Variants in STS observed in about 807,000 individuals in gnomAD.
STS encodes the protein steroid sulfatase.
Under a neutral mutation model 26.8 loss-of-function variants are expected in STS, and 7 were observed. The ratio of observed to expected loss-of-function variants is 0.26; its 90% CI spans 0.15 to 0.49. The LOEUF (loss-of-function observed/expected upper bound fraction) is 0.49. Ranked by LOEUF, STS falls within the 20% of genes least tolerant of loss-of-function variation. STS has a pLI of 0.98. For missense variants in STS, 434 were observed against 465.6 expected (o/e 0.93, Z 0.63); for synonymous variants, 199 against 189.4 (o/e 1.05, Z -0.42).
chrX:7,285,984 C>T (rs1456383725), intron 7 of STS, among the ~76,000 whole-genome samples: 1 of 111,694 alleles, frequency 9.0e-6, no homozygotes, highest in Non-Finnish European at 1.9e-5. Context: ...CAGCCAACAC[C>T]TCTCATTTAT....
chrX:7,275,808 A>G (rs1924499339), intron 6 of STS, 143 bp from the exon 7 acceptor site: 1 of 697,688 alleles, frequency 1.4e-6, no homozygotes, highest in African/African-American at 2.2e-5. Flanking sequence ...AAGATACCAT[A>G]TTAGGCAATT....
chrX:7,154,254 C>A (rs1165798516), intron 1 of STS, among the ~76,000 whole-genome samples: 2 of 112,257 alleles, frequency 1.8e-5, no homozygotes, highest in African/African-American at 6.5e-5. Context: ...CTTGCGTCGT[C>A]TCTGCTTCTG....
intron 3 of STS, among the ~76,000 whole-genome samples, chrX:7,256,912 T>C (rs764491348): frequency 8.9e-6 from 1 of 112,185 alleles, no homozygotes; most frequent in Non-Finnish European, 1.9e-5. Flanking sequence ...CCTTTGCTCA[T>C]TGAGAAGTTT....
chrX:7,350,080 A>C lies in STS; in HGVS notation c.1556A>C (p.Tyr519Ser), dbSNP rs1928727111. The stretch of plus-strand genomic sequence containing the variant: ...ACTCCAGCATCCGAGCCCCGGTTTT[A>C]TGAAATCCTCAAAGTCATGCAGGAA... The part of the protein sequence containing the change: ...PLTPASEPRF[Y>S]EILKVMQEAA... Residue 519 changes from tyrosine to serine, a missense_variant, in exon 11 of 11, where the codon TAT (tyrosine) becomes TCT (serine). Physicochemically the swap from Tyr to Ser is moderately radical, Grantham distance 144. Around this residue, in one of 2 missense-constraint regions of STS, gnomAD observed 205 missense variants for 177.3 expected, o/e 1.16. Coordinates refer to ENST00000674429, the MANE Select transcript of STS (RefSeq NM_001320752.2). The C allele has an allele frequency of 2.5e-6, 3 of 1,210,428 alleles. No homozygotes were observed. Among genetic ancestry groups the C allele is most frequent in the Non-Finnish European group, 3.4e-6 (3 of 895,256 alleles).
At chrX:7,302,233 T>C (rs1338100900) in intron 7 of STS, among the ~76,000 whole-genome samples, 1 of 111,786 alleles carries the variant, frequency 8.9e-6, no homozygotes, top group East Asian at 2.8e-4. Context: ...GCCTAATCTG[T>C]GTTATTTTAC....
intron 9 of STS, among the ~76,000 whole-genome samples, chrX:7,327,666 T>G (rs765779969): frequency 3.6e-5 from 4 of 111,466 alleles, no homozygotes; most frequent in Middle Eastern, 4.6e-3. Flanking sequence ...ATTACAGGCT[T>G]GAGCCACTGA....
At chrX:7,325,565 G>C (rs1927401053) in intron 9 of STS, 67 bp downstream of exon 9, 4 of 1,159,368 alleles carry the variant, frequency 3.5e-6, no homozygotes, top group Middle Eastern at 3.3e-4. Context: ...GCTCTGGTTT[G>C]CCTGCATAAT....
At chrX:7,233,766 C>T (rs1477765069) in intron 2 of STS, among the ~76,000 whole-genome samples, 4 of 111,382 alleles carry the variant, frequency 3.6e-5, no homozygotes, top group African/African-American at 1.3e-4. Context: ...ATTACCATGT[C>T]TATGAAATAC....
intron 6 of STS, among the ~76,000 whole-genome samples, chrX:7,263,100 G>A (rs774111729): frequency 7.2e-5 from 8 of 111,673 alleles, no homozygotes; most frequent in Admixed American, 1.9e-4. Context: ...ATAGAGTCTC[G>A]CTCTGTTGCC....
chrX:7,216,300 AG>A (rs1371300763), intron 2 of STS, among the ~76,000 whole-genome samples: 4 of 111,783 alleles, frequency 3.6e-5, no homozygotes, highest in Non-Finnish European at 7.5e-5. Context: ...TCTAGTCTTT[AG>A]GGGGTCTCCC....
intron 6 of STS, among the ~76,000 whole-genome samples, chrX:7,265,633 T>C (rs1923970186): frequency 8.9e-6 from 1 of 111,916 alleles, no homozygotes; most frequent in Non-Finnish European, 1.9e-5. Flanking sequence ...AACAAAAGGA[T>C]TTTTTCTTTA....
At position 7,274,884 on chromosome X, in the gene STS, T is replaced by C. The variant is rs375896866; in HGVS notation, c.807-1067T>C. 4.5e-5 allele frequency among the ~76,000 whole-genome samples: 5 copies of C among 112,055 alleles called. No individual in the cohort carries two copies. The East Asian group carries it at 1.4e-3, about 31-fold the overall frequency. ...TTATAGAAGAGGGTAGAACACAAAA[T>C]TGAGTTGGAGTTCAAACAGCATTGA... On this transcript the variant is annotated intron_variant, in intron 6 of 10. Coordinates refer to ENST00000674429, the MANE Select transcript of STS (RefSeq NM_001320752.2).
chrX:7,152,386 G>A (rs1197719683), intron 1 of STS, among the ~76,000 whole-genome samples: 1 of 111,085 alleles, frequency 9.0e-6, no homozygotes, highest in African/African-American at 3.3e-5. Flanking sequence ...GCGTGAAGTC[G>A]GCTCACTGCA....
chrX:7,148,276 C>T (rs780794723), intron 1 of STS, 193 bp downstream of exon 1: 16 of 282,743 alleles, frequency 5.7e-5, no homozygotes, highest in Middle Eastern at 2.0e-3. Context: ...CCTGGGCTGC[C>T]TAGTGGCGCT....
At chrX:7,330,174 G>A (rs1389607609) in intron 9 of STS, among the ~76,000 whole-genome samples, 1 of 111,677 alleles carries the variant, frequency 9.0e-6, no homozygotes, top group African/African-American at 3.3e-5. Context: ...ACAACCTTTT[G>A]TGTTACAAAA....
rs1288978223 is a variant in STS, at chrX:7,257,351, C to A, written c.247C>A (p.Pro83Thr). The A allele has an allele frequency of 4.1e-6, 5 of 1,211,795 alleles. No homozygotes were observed. The highest frequency in any genetic ancestry group is 5.6e-6 in the Non-Finnish European group (5 of 895,320). The part of the protein sequence containing the change: ...SRAAFMTGRY[P>T]VRSGMASWSR... The stretch of plus-strand genomic sequence containing the variant: ...GGCAGCCTTCATGACTGGCCGGTAC[C>A]CTGTCCGATCAGGTAACCTCCTATC... Residue 83 changes from proline to threonine, a missense_variant, in exon 4 of 11, where the codon CCT (proline) becomes ACT (threonine). By Grantham distance (38) the Pro-to-Thr change is conservative (BLOSUM62 -1). This residue lies in a region of STS where 229 missense variants were observed against 288.3 expected (regional missense o/e 0.79). Coordinates refer to ENST00000674429, the MANE Select transcript of STS (RefSeq NM_001320752.2).
At chrX:7,193,997 C>T (rs1933925187) in intron 2 of STS, among the ~76,000 whole-genome samples, 1 of 111,720 alleles carries the variant, frequency 9.0e-6, no homozygotes, top group East Asian at 2.8e-4. Flanking sequence ...CTCCACCTCC[C>T]GGGTCCAAGT....
At chrX:7,332,399 A>G (rs1927798139) in intron 9 of STS, among the ~76,000 whole-genome samples, 1 of 109,433 alleles carries the variant, frequency 9.1e-6, no homozygotes, top group Admixed American at 9.8e-5. Flanking sequence ...TTCTTATATC[A>G]CAATATCACA....
At chrX:7,307,037 G>A (rs1014900647) in intron 8 of STS, among the ~76,000 whole-genome samples, 1 of 111,267 alleles carries the variant, frequency 9.0e-6, no homozygotes, top group Non-Finnish European at 1.9e-5. Context: ...CCCATGGGCA[G>A]GAACCGTCTC....
Sources: gnomAD v4.1 joint callset for allele counts (sites outside exome capture counted in the v4.1 genomes callset) on GRCh38, gnomAD v4.1.1 for gene constraint, gnomAD v4.1.1 regional missense constraint, MANE v1.5 for transcripts, NCBI Gene and HGNC (gene_info 2026-07-23, HGNC 2026-07-21) for gene names.